CUX1: variants seen among roughly 807,000 people sequenced by gnomAD.
CUX1 encodes protein CASP.
In CUX1, 31 loss-of-function variants were observed where a neutral mutation model predicts 158.8. The ratio of observed to expected loss-of-function variants is 0.20; its 90% CI spans 0.15 to 0.26. The LOEUF (loss-of-function observed/expected upper bound fraction) is 0.26, where lower values mean the gene tolerates loss of function less well. Among genes scored for constraint, CUX1 ranks in the 10% least tolerant of loss-of-function variants. CUX1 has a pLI of 1.00. For synonymous variants in CUX1, 879 were observed against 862.1 expected, an observed-to-expected ratio of 1.02 and a Z score of -0.34; for missense variants, 1,589 against 2,014.6, an observed-to-expected ratio of 0.79 and a Z score of 4.04.
intron 4 of CUX1, 56 bp from the exon 5 acceptor site, chr7:102,097,308 T>C: frequency 3.2e-6 from 5 of 1,566,780 alleles, no homozygotes; most frequent in Non-Finnish European, 4.3e-6. Flanking sequence ...TGTACCGCCG[T>C]GGAGGGGGCC....
chr7:102,138,587 T>C (rs1186668006), intron 8 of CUX1, among the ~76,000 whole-genome samples: 1 of 152,208 alleles, frequency 6.6e-6, no homozygotes, highest in Non-Finnish European at 1.5e-5. Flanking sequence ...TGTACTGTTA[T>C]TAGATTACAT....
chr7:102,213,008 C>A (rs1203882895), intron 20 of CUX1, among the ~76,000 whole-genome samples: 1 of 152,200 alleles, frequency 6.6e-6, no homozygotes, highest in Non-Finnish European at 1.5e-5. Context: ...CCACACCTGA[C>A]TAATTTTTTG....
chr7:102,182,603 C>T (rs1210675601), intron 11 of CUX1, among the ~76,000 whole-genome samples: 11 of 152,152 alleles, frequency 7.2e-5, no homozygotes, highest in East Asian at 1.9e-4. Flanking sequence ...TGGAAACAGA[C>T]GCAAAAGTGG....
chr7:101,893,429 A>G (rs537138178), intron 1 of CUX1, among the ~76,000 whole-genome samples: 69 of 152,286 alleles, frequency 4.5e-4, no homozygotes, highest in African/African-American at 1.6e-3. Context: ...TTGTAGACGG[A>G]AAGTTCTGGA....
intron 8 of CUX1, among the ~76,000 whole-genome samples, chr7:102,127,756 T>C (rs1832804478): frequency 6.6e-6 from 1 of 152,220 alleles, no homozygotes; most frequent in Non-Finnish European, 1.5e-5. Flanking sequence ...CCTTTGGGGT[T>C]TAATCTGGGG....
intron 2 of CUX1, among the ~76,000 whole-genome samples, chr7:101,991,469 T>C (rs1471879572): frequency 6.6e-6 from 1 of 152,260 alleles, no homozygotes; most frequent in Non-Finnish European, 1.5e-5. Context: ...TTTAAAAATA[T>C]CAGTTGGGGC....
At chr7:102,017,868 C>G (rs1563136364) in intron 2 of CUX1, among the ~76,000 whole-genome samples, 1 of 152,154 alleles carries the variant, frequency 6.6e-6, no homozygotes, top group African/African-American at 2.4e-5. Context: ...TGGTTCCTCT[C>G]TTTGACAAGT....
At chr7:101,909,107 T>C (rs1241779753) in intron 1 of CUX1, among the ~76,000 whole-genome samples, 1 of 124,866 alleles carries the variant, frequency 8.0e-6, no homozygotes, top group African/African-American at 3.2e-5. Flanking sequence ...TTAGGTTTGG[T>C]AGGCTGAGGC....
At position 102,104,415 on chromosome 7, in the gene CUX1, T is replaced by C. The variant is rs1554487740; in HGVS notation, c.486T>C (p.Leu162=). The C allele has an allele frequency of 2.5e-6, 4 of 1,613,208 alleles. No homozygotes were observed. In the South Asian group the frequency reaches 4.4e-5, roughly 18 times the overall value. ...AGAACCAAGCCGAAACCATAGCTCT[T>C]GAGAAGGAACAGAAGTTACAGAATG... ...TLKNQAETIA[L]EKEQKLQNDF... The change falls in exon 6 of 24, where the codon CTT becomes CTC. Residue 162 remains leucine, a synonymous_variant. Coordinates refer to ENST00000292535, the MANE Select transcript of CUX1 (RefSeq NM_181552.4).
At chr7:102,027,631 T>C (rs1408551406) in intron 2 of CUX1, among the ~76,000 whole-genome samples, 1 of 152,082 alleles carries the variant, frequency 6.6e-6, no homozygotes, top group Non-Finnish European at 1.5e-5. Context: ...GATGCTAGGG[T>C]GGGCACATCT....
chr7:102,234,280 T>C, intron 22 of CUX1, 40 bp downstream of exon 22: 1 of 1,450,626 alleles, frequency 6.9e-7, no homozygotes, highest in Non-Finnish European at 9.1e-7. Flanking sequence ...TGCGTCCGCA[T>C]TCATAGACAG....
intron 1 of CUX1, among the ~76,000 whole-genome samples, chr7:101,842,383 T>C (rs1198184733): frequency 6.6e-6 from 1 of 152,170 alleles, no homozygotes; most frequent in Non-Finnish European, 1.5e-5. Flanking sequence ...CTTCCCATAG[T>C]TTTTTTTCTT....
At chr7:101,987,141 C>G (rs1341375685) in intron 2 of CUX1, among the ~76,000 whole-genome samples, 2 of 152,156 alleles carry the variant, frequency 1.3e-5, no homozygotes, top group Admixed American at 6.5e-5. Flanking sequence ...CATGGGTAGC[C>G]CATGGGTAGA....
intron 1 of CUX1, among the ~76,000 whole-genome samples, chr7:101,829,980 G>A (rs998159170): frequency 2.4e-4 from 37 of 152,228 alleles, no homozygotes; most frequent in African/African-American, 7.5e-4. Context: ...TCATGGGGCC[G>A]GAGGGGCCCA....
Position 101,987,185 on chromosome 7 carries a change from C to T in CUX1, c.142-40913C>T, listed in dbSNP as rs150726546. On this transcript the variant is annotated intron_variant, in intron 2 of 23. Coordinates refer to ENST00000292535, the MANE Select transcript of CUX1 (RefSeq NM_181552.4). ...CATCTGTTTGCTTTCGATTCACTCC[C>T]GCATCCCGACACAGTGCCCAGCACA... Among the ~76,000 whole-genome samples the T allele has an allele frequency of 5.9e-5, 9 of 152,288 alleles. No individual in the cohort carries two copies. In the East Asian group the frequency reaches 9.7e-4, roughly 16 times the overall value.
intron 1 of CUX1, among the ~76,000 whole-genome samples, chr7:101,899,579 G>A (rs979215671): frequency 6.6e-6 from 1 of 152,074 alleles, no homozygotes; most frequent in African/African-American, 2.4e-5. Flanking sequence ...GTCACAGGAG[G>A]CCCAGCATAC....
chr7:101,852,485 G>A (rs1285064359), intron 1 of CUX1, among the ~76,000 whole-genome samples: 3 of 151,800 alleles, frequency 2.0e-5, no homozygotes, highest in Non-Finnish European at 4.4e-5. Context: ...GGGCATCGTG[G>A]CACACACCTG....
chr7:102,030,689 G>GTGTTTTTTTTTTTTTTGTTTGTTTTT (rs1554459461), intron 3 of CUX1, among the ~76,000 whole-genome samples: 5 of 82,540 alleles, frequency 6.1e-5, no homozygotes, highest in African/African-American at 1.1e-4. Flanking sequence ...ATTTTAAAAA[G>GTGTTTTTTTTTTTTTTGTTTGTTTTT]TGTTTTTTTT....
At position 102,097,408 on chromosome 7, in the gene CUX1, G is replaced by A; in HGVS notation, c.313G>A (p.Val105Met). 1.2e-6 allele frequency: 2 copies of A among 1,613,390 alleles called. No individual in the cohort carries two copies. The highest frequency in any genetic ancestry group is 1.7e-6 in the Non-Finnish European group (2 of 1,179,846). ...LDLGQQLQLKVQRLHDIETEN... is the reference protein window; with the variant it reads ...LDLGQQLQLKMQRLHDIETEN... ...TCTCGGACAGCAACTCCAGCTCAAA[G>A]TGCAGCGCCTGCACGATATTGAAAC... is the stretch of plus-strand genomic sequence containing the variant. The change falls in exon 5 of 24, where the codon GTG (valine) becomes ATG (methionine). Residue 105 changes from valine (V) to methionine (M), a missense_variant. Transcript: ENST00000292535.
Sources: allele counts gnomAD v4.1 joint callset (sites outside exome capture counted in the v4.1 genomes callset), GRCh38; gene constraint gnomAD v4.1.1; transcripts MANE v1.5; gene names NCBI Gene and HGNC (gene_info 2026-07-23, HGNC 2026-07-21).